Variants in SDHC observed in about 807,000 individuals in gnomAD.
SDHC encodes the protein succinate dehydrogenase cytochrome b560 subunit, mitochondrial.
SDHC carries 11 observed loss-of-function variants against 22.6 expected under a neutral mutation model. The observed-to-expected ratio is 0.49, with a 90% confidence interval of 0.31 to 0.81. The LOEUF is 0.81. SDHC is among the 30% of genes least tolerant of loss of function. The pLI is 0.05. For synonymous variants in SDHC, 80 were observed against 77.8 expected (o/e 1.03, Z -0.15); for missense variants, 160 against 212.0 (o/e 0.75, Z 1.52).
chr1:161,330,220 A>G (rs756156421), intron 3 of SDHC, among the ~76,000 whole-genome samples: 4 of 152,180 alleles, frequency 2.6e-5, no homozygotes, highest in Admixed American at 1.3e-4. Context: ...CCTCATCTCA[A>G]AGTCTTAAAA....
At chr1:161,340,730 G>A (rs1671693087) in intron 4 of SDHC, 75 bp downstream of exon 4, 8 of 1,117,278 alleles carry the variant, frequency 7.2e-6, no homozygotes, top group Non-Finnish European at 9.6e-6. Context: ...CCTAGTCTCC[G>A]CCTCCTTTGA....
At chr1:161,336,923 G>A (rs534170894) in intron 3 of SDHC, among the ~76,000 whole-genome samples, 60 of 152,080 alleles carry the variant, frequency 3.9e-4, no homozygotes, top group African/African-American at 5.1e-4. Flanking sequence ...AGGCTGGAGT[G>A]CAGTGGCGTG....
intron 4 of SDHC, among the ~76,000 whole-genome samples, chr1:161,349,772 G>T (rs936466624): frequency 3.3e-5 from 5 of 152,206 alleles, no homozygotes; most frequent in Admixed American, 1.3e-4. Flanking sequence ...ACTTTGGAAT[G>T]AGACAGATCT....
chr1:161,330,113 C>A (rs1035064068), intron 3 of SDHC, among the ~76,000 whole-genome samples: 4 of 152,174 alleles, frequency 2.6e-5, no homozygotes, highest in African/African-American at 9.7e-5. Context: ...ATTTTACCTA[C>A]CACAGTCTAC....
intron 3 of SDHC, among the ~76,000 whole-genome samples, chr1:161,329,706 C>T (rs1409418933): frequency 6.6e-6 from 1 of 152,212 alleles, no homozygotes; most frequent in Non-Finnish European, 1.5e-5. Context: ...GATGTATTGT[C>T]TTACCATTCT....
intron 1 of SDHC, 116 bp downstream of exon 1, chr1:161,314,541 G>T (rs987429726): frequency 1.5e-6 from 2 of 1,297,706 alleles, no homozygotes; most frequent in Non-Finnish European, 2.2e-6. Flanking sequence ...GGACCCATGG[G>T]TGTGGAGGCC....
At chr1:161,353,658 T>G (rs1021372243) in intron 4 of SDHC, among the ~76,000 whole-genome samples, 5 of 152,182 alleles carry the variant, frequency 3.3e-5, no homozygotes, top group African/African-American at 1.2e-4. Context: ...TATTTATTTC[T>G]TAGCCATTGA....
intron 3 of SDHC, among the ~76,000 whole-genome samples, chr1:161,334,816 C>T (rs1344933869): frequency 6.6e-6 from 1 of 152,106 alleles, no homozygotes; most frequent in Non-Finnish European, 1.5e-5. Flanking sequence ...TTCATAGGTT[C>T]TAGAGATTAG....
chr1:161,323,295 GC>G (rs1209964964), intron 1 of SDHC, among the ~76,000 whole-genome samples: 1 of 152,006 alleles, frequency 6.6e-6, no homozygotes, highest in Non-Finnish European at 1.5e-5. Flanking sequence ...AGCGCGCCTG[GC>G]CCAAGACCTA....
chr1:161,314,859 A>G (rs1384114689), intron 1 of SDHC: 1 of 181,478 alleles, frequency 5.5e-6, no homozygotes, highest in Admixed American at 5.6e-5. Context: ...GCCTTCAGAC[A>G]CTAGCTGCTC....
At chr1:161,326,187 C>T (rs909969499) in intron 2 of SDHC, among the ~76,000 whole-genome samples, 3 of 150,774 alleles carry the variant, frequency 2.0e-5, no homozygotes, top group Non-Finnish European at 2.9e-5. Context: ...GGCCACAGAG[C>T]GAGATCCCAT....
At chr1:161,346,618 G>A (rs1176470371) in intron 4 of SDHC, among the ~76,000 whole-genome samples, 2 of 151,952 alleles carry the variant, frequency 1.3e-5, no homozygotes, top group Admixed American at 6.6e-5. Flanking sequence ...GGCTGGTCTC[G>A]AACTCCGGAC....
intron 1 of SDHC, among the ~76,000 whole-genome samples, chr1:161,315,221 ATTGT>A (rs913242975): frequency 6.6e-6 from 1 of 152,168 alleles, no homozygotes; most frequent in African/African-American, 2.4e-5. Context: ...ATTTTTGGAA[ATTGT>A]TTGTTATGGA....
chr1:161,359,572 A>C (rs190586254), intron 5 of SDHC, among the ~76,000 whole-genome samples: 1 of 152,272 alleles, frequency 6.6e-6, no homozygotes, highest in East Asian at 1.9e-4. Context: ...TCTTTGTCTC[A>C]ATATGGGGGT....
chr1:161,339,662 G>GTTGTTTTTTTTTTTTTTTT (rs1671638505), intron 3 of SDHC: 2 of 49,566 alleles, frequency 4.0e-5, no homozygotes, highest in African/African-American at 2.0e-4. Flanking sequence ...TGATACAGGT[G>GTTGTTTTTTTTTTTTTTTT]TTTTTTTTTT....
intron 3 of SDHC, among the ~76,000 whole-genome samples, chr1:161,329,294 G>A (rs1348416047): frequency 2.0e-5 from 3 of 152,058 alleles, no homozygotes; most frequent in Non-Finnish European, 4.4e-5. Context: ...TTGCAATGAT[G>A]ATGATATCCA....
chr1:161,356,931 TC>T, intron 5 of SDHC, 91 bp downstream of exon 5: 1 of 1,352,280 alleles, frequency 7.4e-7, no homozygotes, highest in Non-Finnish European at 1.0e-6. Context: ...TTAGTGCTGT[TC>T]TTTTTTTTTT....
chr1:161,340,540 T>C, intron 3 of SDHC, 54 bp from the exon 4 acceptor site: 1 of 1,474,322 alleles, frequency 6.8e-7, no homozygotes, highest in Non-Finnish European at 9.5e-7. Context: ...ATAGACTCTC[T>C]ACTATGGTGT....
intron 5 of SDHC, among the ~76,000 whole-genome samples, chr1:161,358,881 A>G (rs534297188): frequency 1.3e-5 from 2 of 149,906 alleles, no homozygotes; most frequent in East Asian, 2.0e-4. Flanking sequence ...AGCTGAGATC[A>G]TGCCATTGTA....
Sources: allele counts gnomAD v4.1 joint callset (sites outside exome capture counted in the v4.1 genomes callset), GRCh38; gene constraint gnomAD v4.1.1; transcripts MANE v1.5; gene names NCBI Gene and HGNC (gene_info 2026-07-23, HGNC 2026-07-21).